LCORL: variants seen among roughly 807,000 people sequenced by gnomAD.
The protein encoded by LCORL is ligand-dependent nuclear receptor corepressor-like protein.
Under a neutral mutation model 141.8 loss-of-function variants are expected in LCORL, and 41 were observed. The ratio of observed to expected loss-of-function variants is 0.29; its 90% CI spans 0.23 to 0.38. LCORL has a LOEUF of 0.38. LCORL is among the 10% of genes least tolerant of loss of function. The pLI, the probability that LCORL is intolerant of heterozygous loss-of-function variation, is 1.00. For synonymous variants in LCORL, 618 were observed against 694.1 expected (o/e 0.89, Z 1.72); for missense variants, 1,759 against 2,035.0 (o/e 0.86, Z 2.61).
At chr4:17,872,778 C>T (rs1300111044) in intron 7 of LCORL, among the ~76,000 whole-genome samples, 1 of 152,134 alleles carries the variant, frequency 6.6e-6, no homozygotes, top group Non-Finnish European at 1.5e-5. Flanking sequence ...CAAAAAACTA[C>T]TCAACAAGTT....
chr4:17,914,912 C>G (rs922826015), intron 4 of LCORL, among the ~76,000 whole-genome samples: 7 of 152,168 alleles, frequency 4.6e-5, no homozygotes, highest in African/African-American at 1.7e-4. Flanking sequence ...GTGCAATACC[C>G]TCTTAGCCTC....
chr4:17,963,290 C>T (rs1374866169), intron 2 of LCORL, among the ~76,000 whole-genome samples: 1 of 151,916 alleles, frequency 6.6e-6, no homozygotes, highest in Admixed American at 6.6e-5. Flanking sequence ...TATAAATTAA[C>T]AATTTTCCAA....
chr4:17,904,416 A>G lies in LCORL; in HGVS notation c.682+4678T>C, dbSNP rs116232058. 1.9e-3 allele frequency among the ~76,000 whole-genome samples: 293 copies of G among 152,156 alleles called. 3 individuals are homozygous for G. The highest frequency in any genetic ancestry group is 6.7e-3 in the African/African-American group (278 of 41,544). ...ACTTTATACTTAAGTTTTAGATTTG[A>G]GTATAGTCAAATATACAAAATTGTT... On this transcript the variant is annotated intron_variant, in intron 5 of 7. Coordinates refer to ENST00000635767, the Ensembl canonical transcript of LCORL.
At chr4:17,899,176 A>AT (rs1432437945) in intron 5 of LCORL, among the ~76,000 whole-genome samples, 1 of 152,150 alleles carries the variant, frequency 6.6e-6, no homozygotes, top group Non-Finnish European at 1.5e-5. Context: ...AGAATCATTC[A>AT]TTTTTTATTT....
chr4:17,926,400 C>T (rs1231814173), intron 4 of LCORL, among the ~76,000 whole-genome samples: 1 of 152,190 alleles, frequency 6.6e-6, no homozygotes, highest in Non-Finnish European at 1.5e-5. Context: ...AGTCTTCTCG[C>T]CTTCCTCTTT....
At chr4:17,949,597 A>C (rs1263994999) in intron 4 of LCORL, among the ~76,000 whole-genome samples, 1 of 152,228 alleles carries the variant, frequency 6.6e-6, no homozygotes, top group East Asian at 1.9e-4. Context: ...TTACTGAGGG[A>C]ATTCTGCTCA....
At chr4:17,883,212 A>G in intron 6 of LCORL, 3 of 982,500 alleles carry the variant, frequency 3.1e-6, no homozygotes, top group Non-Finnish European at 3.6e-6. Context: ...GTATATATTA[A>G]TTTTTCTTAG....
At chr4:17,912,827 G>A (rs1028886823) in intron 4 of LCORL, 11 of 432,180 alleles carry the variant, frequency 2.5e-5, no homozygotes, top group South Asian at 3.8e-5. Flanking sequence ...GGCTAAGATC[G>A]ACACCTGCTG....
intron 7 of LCORL, among the ~76,000 whole-genome samples, chr4:17,872,347 C>T (rs1275050781): frequency 6.6e-6 from 1 of 152,044 alleles, no homozygotes; most frequent in East Asian, 1.9e-4. Context: ...CTTCCCTCGG[C>T]CACACTGGAA....
Position 18,021,504 on chromosome 4 carries a change from G to A in LCORL, c.154+94C>T, listed in dbSNP as rs1042828143. 15 of 1,105,444 alleles carry A rather than the reference G, an allele frequency of 1.4e-5. No individual in the cohort carries two copies. The Middle Eastern group carries it at 6.6e-4, about 49-fold the overall frequency. The allele number at this position is 1,105,444 out of a possible 1,614,324, so 68.5% of individuals were successfully genotyped here. On this transcript the variant is annotated intron_variant, in intron 1 of 7. Coordinates refer to ENST00000635767, the Ensembl canonical transcript of LCORL. The surrounding 1 kb of genome is among the most constrained non-coding windows in gnomAD (Gnocchi z 5.5). ...GCTCCCCCACCGAACTAACCCGAAC[G>A]GGAGATTCAACTAAACCCCTCAGCC... is the stretch of plus-strand genomic sequence containing the variant.
intron 4 of LCORL, among the ~76,000 whole-genome samples, chr4:17,941,306 A>G (rs1187903863): frequency 2.6e-5 from 4 of 152,074 alleles, no homozygotes; most frequent in Non-Finnish European, 5.9e-5. Context: ...TATACACTAT[A>G]TGCATATATA....
rs540253485 is a variant in LCORL, at chr4:17,996,709, T to A, written c.155-23824A>T. Among the ~76,000 whole-genome samples, 47 of 152,170 alleles carry A rather than the reference T, an allele frequency of 3.1e-4. No individual in the cohort carries two copies. In the East Asian group the frequency reaches 8.3e-3, roughly 27 times the overall value. ...AAATTGAAAAAAAAAGTTTTATAATTCCAAACAGTAAGCTTGATACATTAA... is the reference window on the plus strand; with the variant it reads ...AAATTGAAAAAAAAAGTTTTATAATACCAAACAGTAAGCTTGATACATTAA... On this transcript the variant is annotated intron_variant, in intron 1 of 7. Coordinates refer to ENST00000635767, the Ensembl canonical transcript of LCORL.
chr4:17,941,582 C>T (rs780290621), intron 4 of LCORL, among the ~76,000 whole-genome samples: 18 of 152,210 alleles, frequency 1.2e-4, no homozygotes, highest in East Asian at 1.2e-3. Context: ...TATAAGCTAA[C>T]GATATATTCC....
At chr4:17,895,016 T>C (rs966703426) in intron 5 of LCORL, among the ~76,000 whole-genome samples, 1 of 149,044 alleles carries the variant, frequency 6.7e-6, no homozygotes, top group Non-Finnish European at 1.5e-5. Context: ...TCTTTATATA[T>C]ATATGTTTAT....
chr4:17,964,699 G>A (rs1213631309), intron 2 of LCORL, among the ~76,000 whole-genome samples: 1 of 152,020 alleles, frequency 6.6e-6, no homozygotes, highest in African/African-American at 2.4e-5. Context: ...GGGACCTCAC[G>A]CTCATGTGAA....
intron 4 of LCORL, among the ~76,000 whole-genome samples, chr4:17,922,672 C>T (rs1461074707): frequency 1.3e-5 from 2 of 152,062 alleles, no homozygotes; most frequent in Admixed American, 6.5e-5. Context: ...GAGTGGCTGA[C>T]CTTCAACAAA....
chr4:17,976,258 T>C lies in LCORL; in HGVS notation c.155-3373A>G, dbSNP rs572279859. 2.6e-5 allele frequency among the ~76,000 whole-genome samples: 4 copies of C among 152,300 alleles called. No individual in the cohort carries two copies. In the South Asian group the frequency reaches 8.3e-4, roughly 32 times the overall value. On this transcript the variant is annotated intron_variant, in intron 1 of 7. Coordinates refer to ENST00000635767, the Ensembl canonical transcript of LCORL. ...AGTGTTTTAGACCATTAAAATTGAA[T>C]GTATTTATTAAAATAGTTGGATTTA...
At chr4:17,860,761 G>A (rs1312833105) in intron 7 of LCORL, among the ~76,000 whole-genome samples, 1 of 152,184 alleles carries the variant, frequency 6.6e-6, no homozygotes, top group Admixed American at 6.5e-5. Flanking sequence ...ATACAATGAG[G>A]GTAGAGGCAT....
chr4:17,999,268 A>G (rs540118327), intron 1 of LCORL, among the ~76,000 whole-genome samples: 1 of 151,784 alleles, frequency 6.6e-6, no homozygotes, highest in African/African-American at 2.4e-5. Flanking sequence ...CCTGGTGAAC[A>G]CGGTGAAACC....
Sources: gnomAD v4.1 joint callset for allele counts (sites outside exome capture counted in the v4.1 genomes callset) on GRCh38, gnomAD v4.1.1 for gene constraint, Gnocchi (gnomAD v3.1) non-coding constraint, MANE v1.5 for transcripts, NCBI Gene and HGNC (gene_info 2026-07-23, HGNC 2026-07-21) for gene names.